Variants in COX7A2 observed in about 807,000 individuals in gnomAD.
The protein encoded by COX7A2 is cytochrome c oxidase subunit 7A2, mitochondrial.
COX7A2 carries 11 observed loss-of-function variants against 11.6 expected under a neutral mutation model. The ratio of observed to expected loss-of-function variants is 0.95; its 90% CI spans 0.60 to 1.57. The LOEUF (loss-of-function observed/expected upper bound fraction) is 1.57. COX7A2 is among the 40% of genes most tolerant of loss of function. The pLI is 0.00. For missense variants in COX7A2, 106 were observed against 100.9 expected, an observed-to-expected ratio of 1.05 and a Z score of -0.22; for synonymous variants, 30 against 38.2, an observed-to-expected ratio of 0.78 and a Z score of 0.79.
At chr6:75,240,169 A>C in intron 3 of COX7A2, 132 bp downstream of exon 3, 1 of 680,914 alleles carries the variant, frequency 1.5e-6, no homozygotes, top group Non-Finnish European at 2.6e-6. Flanking sequence ...AATCATTATG[A>C]GATATAGTAA....
upstream of COX7A2, among the ~76,000 whole-genome samples, chr6:75,245,352 G>A (rs192948931): frequency 6.6e-6 from 1 of 152,106 alleles, no homozygotes; most frequent in South Asian, 2.1e-4. Flanking sequence ...TAAGGCGGGC[G>A]TGGTGGCGGG....
intron 3 of COX7A2, among the ~76,000 whole-genome samples, chr6:75,240,057 C>T (rs900670286): frequency 1.1e-4 from 16 of 151,782 alleles, no homozygotes; most frequent in East Asian, 1.9e-4. Context: ...GCCGAGATCG[C>T]GCCATTGCAA....
upstream of COX7A2, among the ~76,000 whole-genome samples, chr6:75,246,688 C>T (rs1771687640): frequency 6.6e-6 from 1 of 152,158 alleles, no homozygotes. Flanking sequence ...AAAGAATGGA[C>T]TATTGAGTAT....
upstream of COX7A2, among the ~76,000 whole-genome samples, chr6:75,244,818 C>T (rs1281545662): frequency 6.6e-6 from 1 of 152,134 alleles, no homozygotes; most frequent in African/African-American, 2.4e-5. Context: ...CACCAAGTTA[C>T]CAGTCCCAGT....
chr6:75,243,957 C>G, upstream of COX7A2: 1 of 797,132 alleles, frequency 1.3e-6, no homozygotes, highest in Non-Finnish European at 2.0e-6. Context: ...GTCCCGTGAT[C>G]TCGTTCCTGA....
chr6:75,243,366 C>T lies in COX7A2; in HGVS notation c.18+351G>A, dbSNP rs114759109. ...AAAACACCTTTCTGCTTGATGCTTC[C>T]GGGTGTCAGACACTCCCCACCTGGG... On this transcript the variant is annotated intron_variant, in intron 1 of 3. Transcript: ENST00000684430. Among the ~76,000 whole-genome samples the T allele has an allele frequency of 1.8e-3, 272 of 152,118 alleles. 1 individual carries two copies. Among genetic ancestry groups the T allele is most frequent in the African/African-American group, 6.3e-3 (261 of 41,456 alleles).
At chr6:75,246,005 T>A (rs1038076666), upstream of COX7A2, among the ~76,000 whole-genome samples, 1 of 152,188 alleles carries the variant, frequency 6.6e-6, no homozygotes, top group African/African-American at 2.4e-5. Context: ...TGGATCCTTA[T>A]CCTCTTAAAC....
upstream of COX7A2, among the ~76,000 whole-genome samples, chr6:75,245,197 A>G (rs1771653633): frequency 6.6e-6 from 1 of 152,204 alleles, no homozygotes; most frequent in African/African-American, 2.4e-5. Context: ...ACCCTGTCCA[A>G]AAAGAGCCAT....
upstream of COX7A2, among the ~76,000 whole-genome samples, chr6:75,244,233 G>GT (rs1195037628): frequency 6.6e-6 from 1 of 152,194 alleles, no homozygotes; most frequent in East Asian, 1.9e-4. Context: ...GATACAGTCA[G>GT]TTTTTTCCAC....
upstream of COX7A2, chr6:75,243,811 T>G (rs756468081): frequency 1.8e-5 from 29 of 1,613,876 alleles, no homozygotes; most frequent in South Asian, 2.5e-4. Context: ...CGGAACTACC[T>G]CCGAGTCTTG....
chr6:75,244,221 C>G (rs957921229), upstream of COX7A2, among the ~76,000 whole-genome samples: 5 of 152,182 alleles, frequency 3.3e-5, no homozygotes, highest in Admixed American at 1.3e-4. Flanking sequence ...TCCTCTTACG[C>G]GGATACAGTC....
intron 2 of COX7A2, 177 bp downstream of exon 2, chr6:75,240,999 A>G (rs912383654): frequency 6.2e-5 from 42 of 680,928 alleles, no homozygotes; most frequent in African/African-American, 6.1e-4. Flanking sequence ...GCTCTGCTCC[A>G]CCAGGTCTTT....
At chr6:75,249,657 A>C (rs1224350123) in intron 1 of COX7A2, among the ~76,000 whole-genome samples, 1 of 152,274 alleles carries the variant, frequency 6.6e-6, no homozygotes, top group Non-Finnish European at 1.5e-5. Flanking sequence ...AAGGCAAAGA[A>C]GACAGGGTGG....
chr6:75,241,507 A>G (rs189886747), intron 1 of COX7A2, among the ~76,000 whole-genome samples: 69 of 152,350 alleles, frequency 4.5e-4, no homozygotes, highest in African/African-American at 1.7e-3. Flanking sequence ...GATTCTAACC[A>G]AAAAATAAAA....
At chr6:75,248,536 C>G (rs1582268108), upstream of COX7A2, among the ~76,000 whole-genome samples, 1 of 152,200 alleles carries the variant, frequency 6.6e-6, no homozygotes, top group South Asian at 2.1e-4. Context: ...TGAACCAAAC[C>G]AATGTATTTC....
At chr6:75,248,527 GAACCA>G (rs1309941265), upstream of COX7A2, among the ~76,000 whole-genome samples, 6 of 152,294 alleles carry the variant, frequency 3.9e-5, no homozygotes, top group Middle Eastern at 6.8e-3. Context: ...CCGCCTTTCT[GAACCA>G]AACCAATGTA....
chr6:75,243,586 G>A (rs1271773845), intron 1 of COX7A2, 131 bp downstream of exon 1: 5 of 780,588 alleles, frequency 6.4e-6, no homozygotes, highest in African/African-American at 1.7e-5. Context: ...CAGGGAAAAA[G>A]GACACGAATC....
At chr6:75,240,178 A>G in intron 3 of COX7A2, 123 bp downstream of exon 3, 2 of 707,430 alleles carry the variant, frequency 2.8e-6, no homozygotes, top group Non-Finnish European at 4.9e-6. Flanking sequence ...GAGATATAGT[A>G]AGATATCAAA....
chr6:75,239,930 C>T (rs1246409777), intron 3 of COX7A2, among the ~76,000 whole-genome samples: 2 of 152,034 alleles, frequency 1.3e-5, no homozygotes, highest in African/African-American at 4.8e-5. Context: ...GGAGAAACTC[C>T]GTCTCTACTA....
Sources: gnomAD v4.1 joint callset for allele counts (sites outside exome capture counted in the v4.1 genomes callset) on GRCh38, gnomAD v4.1.1 for gene constraint, MANE v1.5 for transcripts, NCBI Gene and HGNC (gene_info 2026-07-23, HGNC 2026-07-21) for gene names.